Variants in MDN1 observed in about 807,000 individuals in gnomAD.
MDN1 encodes midasin.
In MDN1, 266 loss-of-function variants were observed where a neutral mutation model predicts 669.2. That is an observed-to-expected ratio of 0.40 (90% CI 0.36 to 0.44). The LOEUF is 0.44. Ranked by LOEUF, MDN1 falls within the 20% of genes least tolerant of loss-of-function variation. MDN1 has a pLI of 1.00. For synonymous variants in MDN1, 2,385 were observed against 2,457.1 expected, an observed-to-expected ratio of 0.97 and a Z score of 0.87; for missense variants, 5,940 against 6,754.0, an observed-to-expected ratio of 0.88 and a Z score of 4.22.
chr6:89,813,565 A>C (rs1378214183), intron 1 of MDN1, among the ~76,000 whole-genome samples: 1 of 151,294 alleles, frequency 6.6e-6, no homozygotes, highest in Non-Finnish European at 1.5e-5. Context: ...AAAAAAAAAA[A>C]ACAAAAAAGA....
At chr6:89,797,052 G>C (rs1333139854) in intron 2 of MDN1, among the ~76,000 whole-genome samples, 3 of 151,632 alleles carry the variant, frequency 2.0e-5, no homozygotes, top group African/African-American at 4.8e-5. Flanking sequence ...TGGGCAACAA[G>C]AGTGAAACTC....
At chr6:89,694,432 T>G (rs1480078162) in intron 61 of MDN1, among the ~76,000 whole-genome samples, 1 of 152,248 alleles carries the variant, frequency 6.6e-6, no homozygotes, top group East Asian at 1.9e-4. Flanking sequence ...TCACTCCAAC[T>G]AATATAATTT....
chr6:89,785,220 A>T, intron 8 of MDN1, 94 bp from the exon 9 acceptor site: 1 of 799,202 alleles, frequency 1.3e-6, no homozygotes, highest in Non-Finnish European at 2.1e-6. Context: ...ACTGTCTCAC[A>T]TAGGAAAAAT....
chr6:89,773,579 C>T (rs1818216523), intron 13 of MDN1, among the ~76,000 whole-genome samples: 1 of 150,572 alleles, frequency 6.6e-6, no homozygotes, highest in Non-Finnish European at 1.5e-5. Context: ...GAAATACACA[C>T]ACAAGGAAGA....
intron 2 of MDN1, among the ~76,000 whole-genome samples, chr6:89,795,403 G>A (rs534907979): frequency 1.8e-4 from 27 of 151,602 alleles, no homozygotes; most frequent in African/African-American, 4.8e-4. Context: ...GAATGAAGAC[G>A]ACAAGCCTGG....
chr6:89,674,173 G>GT lies in MDN1; in HGVS notation c.13177dup (p.Thr4393AsnfsTer3). On this transcript the variant is annotated frameshift_variant, in exon 79 of 102. Coordinates refer to ENST00000369393, the MANE Select transcript of MDN1 (RefSeq NM_014611.3). LOFTEE classifies it high-confidence loss of function. ...GACGTCAGCTTTCACTGTTTTAATG[G>GT]TTTTTAGCATCTCTGTTAATCTCGT... is the stretch of plus-strand genomic sequence containing the variant. 6.2e-7 allele frequency: 1 copy of GT among 1,614,182 alleles called. No individual in the cohort carries two copies. The highest frequency in any genetic ancestry group is 8.5e-7 in the Non-Finnish European group (1 of 1,180,042).
At chr6:89,692,361 C>G (rs1380000170) in intron 63 of MDN1, 82 bp downstream of exon 63, 3 of 1,266,214 alleles carry the variant, frequency 2.4e-6, no homozygotes, top group East Asian at 2.4e-5. Flanking sequence ...ACTAGGCATG[C>G]TAATGTCCTG....
At chr6:89,797,234 G>T (rs1011008264) in intron 2 of MDN1, among the ~76,000 whole-genome samples, 6 of 151,940 alleles carry the variant, frequency 3.9e-5, no homozygotes, top group African/African-American at 1.5e-4. Context: ...GCTGGGCGTG[G>T]TGGCACACGC....
At chr6:89,670,170 A>ATTTTTTTTTTTTTTT (rs766450069) in intron 83 of MDN1, among the ~76,000 whole-genome samples, 1 of 23,412 alleles carries the variant, frequency 4.3e-5, no homozygotes, top group African/African-American at 2.6e-4. Context: ...ATATATATAT[A>ATTTTTTTTTTTTTTT]TTTTTTTTTT....
At chr6:89,717,540 T>C (rs767764416) in intron 43 of MDN1, among the ~76,000 whole-genome samples, 1 of 152,218 alleles carries the variant, frequency 6.6e-6, no homozygotes, top group Non-Finnish European at 1.5e-5. Context: ...ATAGTGTTTA[T>C]AATAGAAATT....
intron 49 of MDN1, among the ~76,000 whole-genome samples, chr6:89,711,101 A>C (rs1202634424): frequency 6.6e-6 from 1 of 152,250 alleles, no homozygotes; most frequent in Admixed American, 6.5e-5. Flanking sequence ...AATATTATAA[A>C]CATCCATGGG....
intron 10 of MDN1, among the ~76,000 whole-genome samples, chr6:89,780,681 T>A (rs1490140090): frequency 6.8e-6 from 1 of 147,704 alleles, no homozygotes; most frequent in Non-Finnish European, 1.5e-5. Context: ...AGTCTCACTC[T>A]GTTGCCCAGG....
chr6:89,791,668 T>A (rs2128326732), intron 5 of MDN1, among the ~76,000 whole-genome samples: 1 of 152,188 alleles, frequency 6.6e-6, no homozygotes, highest in East Asian at 1.9e-4. Flanking sequence ...GAATTTCAGC[T>A]TTGTAAGACA....
At chr6:89,686,365 C>A (rs548331381) in intron 69 of MDN1, among the ~76,000 whole-genome samples, 2 of 152,006 alleles carry the variant, frequency 1.3e-5, no homozygotes, top group Non-Finnish European at 2.9e-5. Flanking sequence ...GCGGAGATTG[C>A]AGGGAGCTGA....
intron 1 of MDN1, chr6:89,814,765 G>A (rs1243848524): frequency 4.8e-6 from 2 of 413,220 alleles, no homozygotes; most frequent in East Asian, 7.1e-5. Flanking sequence ...AGGAGCGGCA[G>A]CCTATGGTTA....
chr6:89,671,778 C>A (rs9351211), intron 82 of MDN1, among the ~76,000 whole-genome samples: 13,652 of 152,250 alleles, frequency 0.09, 838 homozygotes, highest in East Asian at 0.22. Flanking sequence ...CATACAATGT[C>A]CTGCAAAGTA....
chr6:89,686,769 T>G, intron 69 of MDN1, 133 bp downstream of exon 69: 1 of 1,209,338 alleles, frequency 8.3e-7, no homozygotes, highest in South Asian at 1.5e-5. Flanking sequence ...AGAAATATCA[T>G]GAAGTCAAAT....
chr6:89,776,930 AAAAC>A (rs1256967850), intron 11 of MDN1, among the ~76,000 whole-genome samples: 1 of 152,198 alleles, frequency 6.6e-6, no homozygotes, highest in Non-Finnish European at 1.5e-5. Flanking sequence ...CCAAATAAAA[AAAAC>A]AAACAACAAA....
chr6:89,644,964 A>C (rs1388745265), intron 101 of MDN1, 51 bp downstream of exon 101: 6 of 1,548,808 alleles, frequency 3.9e-6, no homozygotes, highest in Admixed American at 1.7e-5. Context: ...AACAGGTTGA[A>C]GGGAATCCCC....
Sources: gnomAD v4.1 joint callset for allele counts (sites outside exome capture counted in the v4.1 genomes callset) on GRCh38, gnomAD v4.1.1 for gene constraint, MANE v1.5 for transcripts, NCBI Gene and HGNC (gene_info 2026-07-23, HGNC 2026-07-21) for gene names.